Variants in PDE4D observed in about 807,000 individuals in gnomAD.
PDE4D encodes the protein phosphodiesterase 4D.
Under a neutral mutation model 87.4 loss-of-function variants are expected in PDE4D, and 24 were observed. The observed-to-expected ratio is 0.27, with a 90% confidence interval of 0.20 to 0.39. PDE4D has a LOEUF of 0.39. Ranked by LOEUF, PDE4D falls within the 10% of genes least tolerant of loss-of-function variation. The pLI is 1.00. For synonymous variants in PDE4D, 384 were observed against 383.2 expected, an observed-to-expected ratio of 1.00 and a Z score of -0.02; for missense variants, 714 against 1,041.0, an observed-to-expected ratio of 0.69 and a Z score of 4.32.
At chr5:60,194,794 C>T (rs1196012857) in intron 1 of PDE4D, among the ~76,000 whole-genome samples, 3 of 151,704 alleles carry the variant, frequency 2.0e-5, no homozygotes, top group African/African-American at 7.2e-5. Flanking sequence ...TTTATCTACA[C>T]AAATTCAGGC....
chr5:59,085,600 T>A (rs942693978), intron 5 of PDE4D, among the ~76,000 whole-genome samples: 1 of 152,184 alleles, frequency 6.6e-6, no homozygotes, highest in African/African-American at 2.4e-5. Context: ...TATGAATTCA[T>A]ATAAACTATA....
In PDE4D at chr5:60,283,763, G is replaced by A. The variant is rs144967439; in HGVS notation, c.-89-98076C>T. On this transcript the variant is annotated intron_variant, in intron 1 of 16. Transcript: ENST00000502484. Reference sequence around the variant, plus strand: ...CAGCAGGGCCTGTAAAATGTGCCAGGTCTCCCAAGGTGGCCATACTCTTTG... The same window carrying A: ...CAGCAGGGCCTGTAAAATGTGCCAGATCTCCCAAGGTGGCCATACTCTTTG... Among the ~76,000 whole-genome samples, 8 of 152,190 alleles carry A rather than the reference G, an allele frequency of 5.3e-5. No homozygotes were observed. In the South Asian group the frequency reaches 1.5e-3, roughly 28 times the overall value.
intron 2 of PDE4D, among the ~76,000 whole-genome samples, chr5:60,182,895 A>G (rs991711429): frequency 5.3e-5 from 8 of 152,094 alleles, no homozygotes; most frequent in Non-Finnish European, 1.2e-4. Context: ...AAAAAAAAAA[A>G]AAGAATATCA....
In PDE4D at chr5:59,677,685, A is replaced by T. The variant is rs151152513; in HGVS notation, c.455+215483T>A. Among the ~76,000 whole-genome samples, 12 of 152,292 alleles carry T rather than the reference A, an allele frequency of 7.9e-5. No individual in the cohort carries two copies. The East Asian group carries it at 2.3e-3, about 29-fold the overall frequency. ...CTTGGTAACAGCAGGATGTGTACTGATGTTACTATAATGATGTTTAGCAGA... is the reference window on the plus strand; with the variant it reads ...CTTGGTAACAGCAGGATGTGTACTGTTGTTACTATAATGATGTTTAGCAGA... On this transcript the variant is annotated intron_variant, in intron 1 of 14. Coordinates refer to ENST00000340635, the MANE Select transcript of PDE4D (RefSeq NM_001104631.2).
intron 1 of PDE4D, among the ~76,000 whole-genome samples, chr5:60,261,572 T>C (rs1749648791): frequency 6.6e-6 from 1 of 152,188 alleles, no homozygotes; most frequent in Non-Finnish European, 1.5e-5. Context: ...GTTTTTGGCT[T>C]ATCTGAATTA....
chr5:59,129,552 A>C (rs1423954764), intron 5 of PDE4D, among the ~76,000 whole-genome samples: 3 of 152,194 alleles, frequency 2.0e-5, no homozygotes, highest in Non-Finnish European at 4.4e-5. Context: ...TTGCTTGCTA[A>C]TATATTTTAT....
intron 1 of PDE4D, among the ~76,000 whole-genome samples, chr5:59,444,660 A>G (rs1261125732): frequency 6.6e-6 from 1 of 152,068 alleles, no homozygotes; most frequent in Non-Finnish European, 1.5e-5. Flanking sequence ...AAAACACAAA[A>G]AATTAGCCGG....
intron 1 of PDE4D, among the ~76,000 whole-genome samples, chr5:59,507,628 G>C (rs969344089): frequency 7.5e-6 from 1 of 133,984 alleles, no homozygotes; most frequent in Non-Finnish European, 1.5e-5. Flanking sequence ...CTATGGTACT[G>C]TACTACAGCC....
rs115978703 is a variant in PDE4D at position 59,717,784 on chromosome 5, A to G, written c.455+175384T>C. 3.5e-3 allele frequency among the ~76,000 whole-genome samples: 531 copies of G among 152,358 alleles called. 4 individuals carry two copies. Among genetic ancestry groups the G allele is most frequent in the African/African-American group, 0.012 (514 of 41,594 alleles). On this transcript the variant is annotated intron_variant, in intron 1 of 14. Transcript: ENST00000340635. Reference sequence around the variant, plus strand: ...TAGTGGCAAGAGCCAACAATAGAGCACTTACTGTAAAACAGCAGACATTGT... The same window carrying G: ...TAGTGGCAAGAGCCAACAATAGAGCGCTTACTGTAAAACAGCAGACATTGT...
intron 1 of PDE4D, among the ~76,000 whole-genome samples, chr5:59,458,094 T>C (rs1354483974): frequency 1.3e-5 from 2 of 152,220 alleles, no homozygotes; most frequent in Admixed American, 1.3e-4. Context: ...CTATGATACA[T>C]GGATTTAAAA....
chr5:59,412,854 A>G (rs1419616218), intron 1 of PDE4D, among the ~76,000 whole-genome samples: 1 of 152,232 alleles, frequency 6.6e-6, no homozygotes, highest in Non-Finnish European at 1.5e-5. Flanking sequence ...TTTTATAGGT[A>G]TAAGGTTAAG....
At chr5:60,100,937 T>C (rs1776155566) in intron 2 of PDE4D, among the ~76,000 whole-genome samples, 1 of 152,106 alleles carries the variant, frequency 6.6e-6, no homozygotes, top group Non-Finnish European at 1.5e-5. Flanking sequence ...AAATGGATTT[T>C]GCAAAAGGTA....
chr5:60,245,018 T>C (rs992551304), intron 1 of PDE4D, among the ~76,000 whole-genome samples: 18 of 151,888 alleles, frequency 1.2e-4, no homozygotes, highest in African/African-American at 3.9e-4. Flanking sequence ...ACCCACAGAA[T>C]GGGAGAAAAT....
intron 1 of PDE4D, among the ~76,000 whole-genome samples, chr5:60,418,352 G>T (rs996310169): frequency 6.6e-6 from 1 of 152,046 alleles, no homozygotes; most frequent in African/African-American, 2.4e-5. Context: ...AAATCAGACT[G>T]ACTAAAATGG....
At chr5:60,008,994 A>G (rs1764753074) in intron 2 of PDE4D, among the ~76,000 whole-genome samples, 1 of 151,898 alleles carries the variant, frequency 6.6e-6, no homozygotes, top group Non-Finnish European at 1.5e-5. Flanking sequence ...CATTAATACC[A>G]CCCTCAAAAT....
At chr5:60,031,783 G>C (rs1156602301) in intron 2 of PDE4D, among the ~76,000 whole-genome samples, 1 of 152,100 alleles carries the variant, frequency 6.6e-6, no homozygotes, top group Non-Finnish European at 1.5e-5. Context: ...GAGGGAGGGA[G>C]AGAGAAAGAA....
chr5:59,903,451 T>C (rs1263652380), intron 3 of PDE4D, among the ~76,000 whole-genome samples: 2 of 152,136 alleles, frequency 1.3e-5, no homozygotes, highest in Non-Finnish European at 2.9e-5. Flanking sequence ...ACTCGTCTAA[T>C]GTTTAGCTGC....
chr5:59,871,101 C>A (rs1747755974), intron 1 of PDE4D, among the ~76,000 whole-genome samples: 1 of 152,160 alleles, frequency 6.6e-6, no homozygotes, highest in African/African-American at 2.4e-5. Flanking sequence ...TTTCTTTTAA[C>A]CAGTGGAATA....
intron 1 of PDE4D, among the ~76,000 whole-genome samples, chr5:60,506,974 T>C (rs959905486): frequency 1.3e-5 from 2 of 152,194 alleles, no homozygotes; most frequent in Admixed American, 1.3e-4. Flanking sequence ...AAAGATAACC[T>C]CTGTTAACAT....
Sources: gnomAD v4.1 joint callset for allele counts (sites outside exome capture counted in the v4.1 genomes callset) on GRCh38, gnomAD v4.1.1 for gene constraint, MANE v1.5 for transcripts, NCBI Gene and HGNC (gene_info 2026-07-23, HGNC 2026-07-21) for gene names.